FBXO8: variants seen among roughly 807,000 people sequenced by gnomAD.
FBXO8 encodes F-box protein 8.
FBXO8 carries 15 observed loss-of-function variants against 33.4 expected under a neutral mutation model. That is an observed-to-expected ratio of 0.45 (90% CI 0.30 to 0.69). The LOEUF is 0.69. FBXO8 is among the 30% of genes least tolerant of loss of function. The pLI is 0.08. For missense variants in FBXO8, 274 were observed against 380.3 expected (o/e 0.72, Z 2.32); for synonymous variants, 132 against 131.5 (o/e 1.00, Z -0.02).
In FBXO8 at chr4:174,277,175, T is replaced by C. The variant is rs1736979675; in HGVS notation, c.-9+6235A>G. ...ATTTATAAGAACAATAATAGTTTTCTATACTTTTTAACTTCTAGAAGATCG... is the reference window on the plus strand; with the variant it reads ...ATTTATAAGAACAATAATAGTTTTCCATACTTTTTAACTTCTAGAAGATCG... On this transcript the variant is annotated intron_variant, in intron 1 of 5. Coordinates refer to ENST00000393674, the MANE Select transcript of FBXO8 (RefSeq NM_012180.3). The surrounding 1 kb of genome is among the most constrained non-coding windows in gnomAD (Gnocchi z 4.9). 6.6e-6 allele frequency among the ~76,000 whole-genome samples: 1 copy of C among 152,194 alleles called. No individual in the cohort carries two copies. The highest frequency in any genetic ancestry group is 1.5e-5 in the Non-Finnish European group (1 of 68,014).
Position 174,281,759 on chromosome 4 carries a change from G to C in FBXO8, c.-9+1651C>G, listed in dbSNP as rs2126454787. On this transcript the variant is annotated intron_variant, in intron 1 of 5. Coordinates refer to ENST00000393674, the MANE Select transcript of FBXO8 (RefSeq NM_012180.3). The surrounding 1 kb of genome is among the most constrained non-coding windows in gnomAD (Gnocchi z 4.6). ...CAGCCAAAAATGTTTTAGTTTATTA[G>C]AGAGCTAAGTCAAGAAATTTGTCAG... is the stretch of plus-strand genomic sequence containing the variant. Among the ~76,000 whole-genome samples the C allele has an allele frequency of 6.6e-6, 1 of 152,208 alleles. No homozygotes were observed. The highest frequency in any genetic ancestry group is 6.5e-5 in the Admixed American group (1 of 15,280).
rs1448056130 is a variant in FBXO8, at chr4:174,275,727, T to G, written c.-9+7683A>C. ...ACCATCATTTCACAAATAGTAACTATTTTAGATTTTGGGAATCCAACTAAT... is the reference window on the plus strand; with the variant it reads ...ACCATCATTTCACAAATAGTAACTAGTTTAGATTTTGGGAATCCAACTAAT... On this transcript the variant is annotated intron_variant, in intron 1 of 5. Transcript: ENST00000393674. This position sits in a 1 kb window ranked among gnomAD's most constrained non-coding sequence, Gnocchi z 4.4. Among the ~76,000 whole-genome samples, 1 of 152,196 alleles carries G rather than the reference T, an allele frequency of 6.6e-6. No homozygotes were observed. Among genetic ancestry groups the G allele is most frequent in the Non-Finnish European group, 1.5e-5 (1 of 68,022 alleles).
intron 1 of FBXO8, among the ~76,000 whole-genome samples, chr4:174,276,368 G>A (rs1257378996): frequency 6.6e-6 from 1 of 152,092 alleles, no homozygotes; most frequent in Non-Finnish European, 1.5e-5. Context: ...CTCCCGAGTA[G>A]CTGGGACTAC....
At chr4:174,258,219 T>C (rs1483759818) in intron 3 of FBXO8, among the ~76,000 whole-genome samples, 2 of 152,154 alleles carry the variant, frequency 1.3e-5, no homozygotes, top group East Asian at 1.9e-4. Flanking sequence ...AAAGTGACGT[T>C]CTTATGTTGC....
chr4:174,282,772 A>G (rs1579044515), intron 1 of FBXO8, among the ~76,000 whole-genome samples: 1 of 152,356 alleles, frequency 6.6e-6, no homozygotes, highest in Non-Finnish European at 1.5e-5. Context: ...CAATTATTTT[A>G]TTAGTAAATT....
intron 1 of FBXO8, among the ~76,000 whole-genome samples, chr4:174,273,664 T>C (rs1366901327): frequency 2.0e-5 from 3 of 152,322 alleles, no homozygotes; most frequent in South Asian, 2.1e-4. Flanking sequence ...TCTATGTCTA[T>C]ACAGATGGAA....
In FBXO8 at chr4:174,237,981, C is replaced by T. The variant is rs534141461; in HGVS notation, c.773-382G>A. Among the ~76,000 whole-genome samples, 3 of 151,938 alleles carry T rather than the reference C, an allele frequency of 2.0e-5. No individual in the cohort carries two copies. Among genetic ancestry groups the T allele is most frequent in the Non-Finnish European group, 2.9e-5 (2 of 67,870 alleles). ...AATGTGATATTTCTATTCAAACATCCATAAAATACATTTGTATTTATCTCC... is the reference window on the plus strand; with the variant it reads ...AATGTGATATTTCTATTCAAACATCTATAAAATACATTTGTATTTATCTCC... On this transcript the variant is annotated intron_variant, in intron 5 of 5. Coordinates refer to ENST00000393674, the MANE Select transcript of FBXO8 (RefSeq NM_012180.3). This position sits in a 1 kb window ranked among gnomAD's most constrained non-coding sequence, Gnocchi z 4.4.
chr4:174,266,328 A>G (rs530808485), intron 1 of FBXO8, among the ~76,000 whole-genome samples: 14 of 152,332 alleles, frequency 9.2e-5, no homozygotes, highest in African/African-American at 2.9e-4. Context: ...CTGCAAAATT[A>G]TACCTTATTT....
rs1216485424 is a variant in FBXO8, at chr4:174,263,720, T to G, written c.-8-620A>C. The stretch of plus-strand genomic sequence containing the variant: ...GATAAATAGCTCGGTAACAGTAGAC[T>G]ATTTAGTTTTGTTGTTGCCTTAAAT... On this transcript the variant is annotated intron_variant, in intron 1 of 5. Transcript: ENST00000393674. This position sits in a 1 kb window ranked among gnomAD's most constrained non-coding sequence, Gnocchi z 4.2. Among the ~76,000 whole-genome samples, 1 of 152,188 alleles carries G rather than the reference T, an allele frequency of 6.6e-6. No homozygotes were observed. Among genetic ancestry groups the G allele is most frequent in the African/African-American group, 2.4e-5 (1 of 41,450 alleles).
At chr4:174,273,310 ATGTCAT>A (rs1736879759) in intron 1 of FBXO8, among the ~76,000 whole-genome samples, 1 of 135,374 alleles carries the variant, frequency 7.4e-6, no homozygotes, top group African/African-American at 2.8e-5. Flanking sequence ...AATAATGCCA[ATGTCAT>A]AAAAGTTAAA....
chr4:174,277,676 C>T lies in FBXO8; in HGVS notation c.-9+5734G>A, dbSNP rs1736989535. ...GTAATGACTGACATATGAATAGCCTCATTTAAATACACATTATAAATGGTC... is the reference window on the plus strand; with the variant it reads ...GTAATGACTGACATATGAATAGCCTTATTTAAATACACATTATAAATGGTC... On this transcript the variant is annotated intron_variant, in intron 1 of 5. Coordinates refer to ENST00000393674, the MANE Select transcript of FBXO8 (RefSeq NM_012180.3). The surrounding 1 kb of genome is among the most constrained non-coding windows in gnomAD (Gnocchi z 4.9). Among the ~76,000 whole-genome samples, 1 of 152,216 alleles carries T rather than the reference C, an allele frequency of 6.6e-6. No homozygotes were observed. Among genetic ancestry groups the T allele is most frequent in the Admixed American group, 6.5e-5 (1 of 15,302 alleles).
At chr4:174,240,440 T>C (rs1019945738) in intron 4 of FBXO8, among the ~76,000 whole-genome samples, 1 of 151,782 alleles carries the variant, frequency 6.6e-6, no homozygotes, top group Non-Finnish European at 1.5e-5. Context: ...AGCCATACAT[T>C]ACATTAGCAC....
At position 174,259,620 on chromosome 4, in the gene FBXO8, G is replaced by T. The variant is rs1316646322; in HGVS notation, c.456+79C>A. 2.0e-5 allele frequency: 31 copies of T among 1,518,864 alleles called. No homozygotes were observed. In the South Asian group the frequency reaches 3.6e-4, roughly 18 times the overall value. The allele number at this position is 1,518,864 out of a possible 1,614,324, so 94.1% of individuals were successfully genotyped here. On this transcript the variant is annotated intron_variant, in intron 3 of 5. Transcript: ENST00000393674. This position sits in a 1 kb window ranked among gnomAD's most constrained non-coding sequence, Gnocchi z 4.3. ...TGTTCAATGACTTTTTGTTTTCCCTGCTAGTTTATGATATTGGAAAGCTGC... is the reference window on the plus strand; with the variant it reads ...TGTTCAATGACTTTTTGTTTTCCCTTCTAGTTTATGATATTGGAAAGCTGC...
In FBXO8 at chr4:174,245,235, TAGA is replaced by T. The variant is rs926810360; in HGVS notation, c.457-4020_457-4018del. Among the ~76,000 whole-genome samples the T allele has an allele frequency of 5.9e-5, 9 of 151,748 alleles. No individual in the cohort carries two copies. The highest frequency in any genetic ancestry group is 2.2e-4 in the African/African-American group (9 of 41,368). On this transcript the variant is annotated intron_variant, in intron 3 of 5. Coordinates refer to ENST00000393674, the MANE Select transcript of FBXO8 (RefSeq NM_012180.3). The surrounding 1 kb of genome is among the most constrained non-coding windows in gnomAD (Gnocchi z 4.6). ...AAGGTACATCAATAATACATGGCAGTAGAAGAAAACCTAAATGAATGCTTATGA... is the reference window on the plus strand; with the variant it reads ...AAGGTACATCAATAATACATGGCAGTAGAAAACCTAAATGAATGCTTATGA...
At position 174,247,854 on chromosome 4, in the gene FBXO8, T is replaced by A. The variant is rs902931608; in HGVS notation, c.457-6636A>T. On this transcript the variant is annotated intron_variant, in intron 3 of 5. Transcript: ENST00000393674. The surrounding 1 kb of genome is among the most constrained non-coding windows in gnomAD (Gnocchi z 4.6). Reference sequence around the variant, plus strand: ...ACTGCTCTGATACTATTTCTTCTTTTCTACAGTGTTTGAAGAATTGCTAAG... The same window carrying A: ...ACTGCTCTGATACTATTTCTTCTTTACTACAGTGTTTGAAGAATTGCTAAG... Among the ~76,000 whole-genome samples, 3 of 152,092 alleles carry A rather than the reference T, an allele frequency of 2.0e-5. No homozygotes were observed. The highest frequency in any genetic ancestry group is 7.2e-5 in the African/African-American group (3 of 41,446).
Position 174,262,874 on chromosome 4 carries a change from C to T in FBXO8, c.219G>A (p.Met73Ile), listed in dbSNP as rs565911806. ...TGGTAAAGCTTAGCTCAGGAGGCAA[C>T]ATTTCCAAATTAATGAATCCTTCCT... ...KEQEGFINLE[M>I]LPPELSFTIL... Residue 73 changes from methionine (M) to isoleucine (I), a missense_variant, in exon 2 of 6, where the codon ATG becomes ATA. By Grantham distance (10) the Met-to-Ile change is conservative. Around this residue, in one of 2 missense-constraint regions of FBXO8, gnomAD observed 88 missense variants for 86.9 expected, o/e 1.01. Coordinates refer to ENST00000393674, the MANE Select transcript of FBXO8 (RefSeq NM_012180.3). This position sits in a 1 kb window ranked among gnomAD's most constrained non-coding sequence, Gnocchi z 4.6. 8.7e-6 allele frequency: 14 copies of T among 1,613,922 alleles called. No homozygotes were observed. The highest frequency in any genetic ancestry group is 7.6e-6 in the Non-Finnish European group (9 of 1,179,934).
At chr4:174,242,662 A>G (rs1485111152) in intron 3 of FBXO8, among the ~76,000 whole-genome samples, 1 of 151,640 alleles carries the variant, frequency 6.6e-6, no homozygotes, top group East Asian at 1.9e-4. Context: ...TAGAAAATGT[A>G]ATATGATAAG....
chr4:174,236,912 C>G lies in FBXO8; in HGVS notation c.*500G>C, dbSNP rs894528643. On this transcript the variant is annotated 3_prime_UTR_variant, in exon 6 of 6. Coordinates refer to ENST00000393674, the MANE Select transcript of FBXO8 (RefSeq NM_012180.3). ...TATTGGTTTCTGTCTGAAGTCAGATCTAACTTTTACGAAGACAATAGTTTC... is the reference window on the plus strand; with the variant it reads ...TATTGGTTTCTGTCTGAAGTCAGATGTAACTTTTACGAAGACAATAGTTTC... The G allele has an allele frequency of 6.6e-6, 1 of 152,006 alleles. No individual in the cohort carries two copies. Among genetic ancestry groups the G allele is most frequent in the South Asian group, 2.1e-4 (1 of 4,832 alleles). The allele number at this position is 152,006 out of a possible 1,614,324, so 9.4% of individuals were successfully genotyped here.
rs995723478 is a variant in FBXO8, at chr4:174,237,995, G to A, written c.773-396C>T. The stretch of plus-strand genomic sequence containing the variant: ...ATTCAAACATCCATAAAATACATTT[G>A]TATTTATCTCCTCTTTCTAAAAAAA... On this transcript the variant is annotated intron_variant, in intron 5 of 5. Transcript: ENST00000393674. This position sits in a 1 kb window ranked among gnomAD's most constrained non-coding sequence, Gnocchi z 4.4. Among the ~76,000 whole-genome samples, 2 of 151,790 alleles carry A rather than the reference G, an allele frequency of 1.3e-5. No homozygotes were observed. Among genetic ancestry groups the A allele is most frequent in the Non-Finnish European group, 2.9e-5 (2 of 67,858 alleles).
Sources: allele counts gnomAD v4.1 joint callset (sites outside exome capture counted in the v4.1 genomes callset), GRCh38; gene constraint gnomAD v4.1.1; regional missense constraint gnomAD v4.1.1; non-coding constraint Gnocchi (gnomAD v3.1); transcripts MANE v1.5; gene names NCBI Gene and HGNC (gene_info 2026-07-23, HGNC 2026-07-21).